The following FTL variants were observed in gnomAD, a reference collection of about 807,000 sequenced individuals.
FTL encodes epididymis secretory sperm binding protein.
A neutral mutation model predicts 16.6 loss-of-function variants in FTL; 17 were observed. That is an observed-to-expected ratio of 1.02 (90% CI 0.70 to 1.53). The LOEUF (loss-of-function observed/expected upper bound fraction) is 1.53. Ranked by LOEUF, FTL falls within the 40% of genes most tolerant of loss-of-function variation. FTL has a pLI of 0.00. For synonymous variants in FTL, 73 were observed against 89.9 expected (o/e 0.81, Z 1.06); for missense variants, 186 against 226.1 (o/e 0.82, Z 1.14).
In FTL at chr19:48,966,308, A is replaced by G. The variant is rs3210196; in HGVS notation, c.277A>G (p.Thr93Ala). ...GCCAGCTGAAGATGAGTGGGGTAAAACCCCAGACGCCATGAAAGCTGCCAT... is the reference window on the plus strand; with the variant it reads ...GCCAGCTGAAGATGAGTGGGGTAAAGCCCCAGACGCCATGAAAGCTGCCAT... ...KKPAEDEWGK[T>A]PDAMKAAMAL... is the part of the protein sequence containing the mutation. Residue 93 changes from threonine to alanine, a missense_variant, in exon 3 of 4, where the codon ACC (threonine) becomes GCC (alanine). Coordinates refer to ENST00000331825, the MANE Select transcript of FTL (RefSeq NM_000146.4). The G allele has an allele frequency of 3.7e-6, 6 of 1,613,790 alleles. No homozygotes were observed. The highest frequency in any genetic ancestry group is 5.1e-6 in the Non-Finnish European group (6 of 1,179,970).
rs140111419 is a variant in FTL at position 48,965,959 on chromosome 19, G to A, written c.249+43G>A. 5.0e-4 allele frequency: 804 copies of A among 1,606,892 alleles called. 4 individuals carry two copies. In the East Asian group the frequency reaches 5.5e-3, roughly 11 times the overall value. On this transcript the variant is annotated intron_variant, in intron 2 of 3. Coordinates refer to ENST00000331825, the MANE Select transcript of FTL (RefSeq NM_000146.4). ...AATGGACTACATCTCCCAGCAGGCCGTGCGCGCGAGGAGCCTTGATTTGAG... is the reference window on the plus strand; with the variant it reads ...AATGGACTACATCTCCCAGCAGGCCATGCGCGCGAGGAGCCTTGATTTGAG...
At chr19:48,966,525 GCT>G in intron 3 of FTL, 56 bp from the exon 4 acceptor site, 1 of 1,611,788 alleles carries the variant, frequency 6.2e-7, no homozygotes, top group Non-Finnish European at 8.5e-7. Flanking sequence ...GCAACTGGCT[GCT>G]CTCTCCCCCT....
chr19:48,966,184 G>A (rs1057169970), intron 2 of FTL, 97 bp from the exon 3 acceptor site: 2 of 1,547,952 alleles, frequency 1.3e-6, no homozygotes, highest in African/African-American at 1.4e-5. Flanking sequence ...ATGTCTTTGT[G>A]GCCTGGGCCT....
chr19:48,965,553 G>A lies in FTL; in HGVS notation c.46G>A (p.Ala16Thr), dbSNP rs2038441638. 6.2e-7 allele frequency: 1 copy of A among 1,613,956 alleles called. No individual in the cohort carries two copies. Among genetic ancestry groups the A allele is most frequent in the Non-Finnish European group, 8.5e-7 (1 of 1,179,990 alleles). Residue 16 changes from alanine (A) to threonine (T), a missense_variant, in exon 1 of 4, where the codon GCC becomes ACC. Transcript: ENST00000331825. ...RQNYSTDVEA[A>T]VNSLVNLYLQ... ...GAATTATTCCACCGACGTGGAGGCA[G>A]CCGTCAACAGCCTGGTCAATTTGTA...
rs2038439032 is a variant in FTL, at chr19:48,965,382, C to T, written c.-126C>T. ...ACGGAACAGATCCGGGGACTCTCTTCCAGCCTCCGACCGCCCTCCGATTTC... is the reference window on the plus strand; with the variant it reads ...ACGGAACAGATCCGGGGACTCTCTTTCAGCCTCCGACCGCCCTCCGATTTC... On this transcript the variant is annotated 5_prime_UTR_variant, in exon 1 of 4. Coordinates refer to ENST00000331825, the MANE Select transcript of FTL (RefSeq NM_000146.4). 2 of 731,984 alleles carry T rather than the reference C, an allele frequency of 2.7e-6. No homozygotes were observed. Among genetic ancestry groups the T allele is most frequent in the Admixed American group, 1.9e-5 (1 of 51,730 alleles). The allele number at this position is 731,984 out of a possible 1,614,324, so 45.3% of individuals were successfully genotyped here. A position where few individuals can be genotyped will look rare whatever the true frequency, so the allele number is the denominator to read the frequency against.
intron 1 of FTL, 26 bp from the exon 2 acceptor site, chr19:48,965,744 A>G: frequency 1.2e-6 from 2 of 1,613,828 alleles, no homozygotes; most frequent in Non-Finnish European, 8.5e-7. Context: ...CCCGCTAACC[A>G]TTGTTGCCTC....
Position 48,966,119 on chromosome 19 carries a change from G to T in FTL, c.250-162G>T. The T allele has an allele frequency of 2.4e-6, 3 of 1,233,400 alleles. No individual in the cohort carries two copies. The South Asian group carries it at 3.7e-5, about 15-fold the overall frequency. 76.4% of individuals were successfully genotyped at this position (1,233,400 alleles called of 1,614,324 possible). ...CACACCGCTGCGTGGTCTTAGGGACGTATAGCTGTAAGAGCTAGGACAGGG... is the reference window on the plus strand; with the variant it reads ...CACACCGCTGCGTGGTCTTAGGGACTTATAGCTGTAAGAGCTAGGACAGGG... On this transcript the variant is annotated intron_variant, in intron 2 of 3. Coordinates refer to ENST00000331825, the MANE Select transcript of FTL (RefSeq NM_000146.4).
chr19:48,965,753 T>C lies in FTL; in HGVS notation c.103-17T>C. ...TCGCCTCCCGCTAACCATTGTTGCC[T>C]CCATCTCTTCCCGTAGGGCTTCTAT... On this transcript the variant is annotated splice_polypyrimidine_tract_variant and intron_variant, in intron 1 of 3. Coordinates refer to ENST00000331825, the MANE Select transcript of FTL (RefSeq NM_000146.4). 1 of 1,614,088 alleles carries C rather than the reference T, an allele frequency of 6.2e-7. No individual in the cohort carries two copies. Among genetic ancestry groups the C allele is most frequent in the Non-Finnish European group, 8.5e-7 (1 of 1,179,990 alleles).
chr19:48,965,978 A>C, intron 2 of FTL, 62 bp downstream of exon 2: 1 of 1,587,496 alleles, frequency 6.3e-7, no homozygotes, highest in Non-Finnish European at 8.6e-7. Context: ...AGGAGCCTTG[A>C]TTTGAGGGCG....
rs1482244302 is a variant in FTL at position 48,966,403 on chromosome 19, C to G, written c.372C>G (p.Pro124=). The G allele has an allele frequency of 6.2e-7, 1 of 1,614,148 alleles. No homozygotes were observed. The part of the protein sequence containing the change: ...LHALGSARTD[P]HLCDFLETHF... ...CCCTGGGTTCTGCCCGCACGGACCC[C>G]CATGTACGTACCCGCTGCATCCATG... Residue 124 remains proline (P), a synonymous_variant, in exon 3 of 4, where the codon CCC becomes CCG. Coordinates refer to ENST00000331825, the MANE Select transcript of FTL (RefSeq NM_000146.4).
At position 48,966,249 on chromosome 19, in the gene FTL, T is replaced by C. The variant is rs757758009; in HGVS notation, c.250-32T>C. On this transcript the variant is annotated intron_variant, in intron 2 of 3. Transcript: ENST00000331825. ...GGTTTAGTTCTATGTGCCGAGTGTG[T>C]GTATTCTGAGCCATTTCTCCCTTCT... 22 of 1,613,576 alleles carry C rather than the reference T, an allele frequency of 1.4e-5. No individual in the cohort carries two copies. The South Asian group carries it at 2.3e-4, about 17-fold the overall frequency.
At chr19:48,966,222 T>C (rs773449651) in intron 2 of FTL, 59 bp from the exon 3 acceptor site, 6 of 1,611,878 alleles carry the variant, frequency 3.7e-6, no homozygotes, top group Non-Finnish European at 5.1e-6. Context: ...TTGGGAAATG[T>C]AGGTTTAGTT....
intron 1 of FTL, 59 bp from the exon 2 acceptor site, chr19:48,965,711 G>T: frequency 6.2e-7 from 1 of 1,611,576 alleles, no homozygotes; most frequent in South Asian, 1.1e-5. Flanking sequence ...TAAACAGAGG[G>T]CGGAGTCCCC....
chr19:48,966,067 G>C, intron 2 of FTL, 151 bp downstream of exon 2: 1 of 1,216,714 alleles, frequency 8.2e-7, no homozygotes, highest in Non-Finnish European at 1.2e-6. Context: ...GGCGCACCTC[G>C]TGCAGTGCCC....
At chr19:48,965,746 T>C (rs772387189) in intron 1 of FTL, 24 bp from the exon 2 acceptor site, 1 of 1,614,036 alleles carries the variant, frequency 6.2e-7, no homozygotes. Flanking sequence ...CGCTAACCAT[T>C]GTTGCCTCCA....
At position 48,965,830 on chromosome 19, in the gene FTL, T is replaced by C. The variant is rs2230267; in HGVS notation, c.163T>C (p.Leu55=). 0.52 allele frequency: 843,465 copies of C among 1,613,848 alleles called. 222,359 individuals carry two copies. The highest frequency in any genetic ancestry group is 0.56 in the Middle Eastern group (3,415 of 6,060). The change falls in exon 2 of 4, where the codon TTG becomes CTG. Residue 55 remains leucine, a synonymous_variant. Transcript: ENST00000331825. ...LEGVSHFFRE[L]AEEKREGYER... is the part of the protein sequence containing the mutation. ...AGGCGTGAGCCACTTCTTCCGCGAA[T>C]TGGCCGAGGAGAAGCGCGAGGGCTA...
chr19:48,965,676 C>T (rs955908275), intron 1 of FTL, 67 bp downstream of exon 1: 1 of 1,603,108 alleles, frequency 6.2e-7, no homozygotes, highest in Non-Finnish European at 8.5e-7. Flanking sequence ...TCACTGCACG[C>T]GCCAGCCTTC....
chr19:48,965,734 C>G (rs202124443), intron 1 of FTL, 36 bp from the exon 2 acceptor site: 2 of 1,613,946 alleles, frequency 1.2e-6, no homozygotes, highest in Non-Finnish European at 1.7e-6. Context: ...GGCCTCGCCT[C>G]CCGCTAACCA....
chr19:48,966,765 G>A lies in FTL; in HGVS notation c.*30G>A. The A allele has an allele frequency of 1.2e-6, 2 of 1,611,504 alleles. No individual in the cohort carries two copies. Among genetic ancestry groups the A allele is most frequent in the Non-Finnish European group, 1.7e-6 (2 of 1,179,366 alleles). On this transcript the variant is annotated 3_prime_UTR_variant, in exon 4 of 4. Transcript: ENST00000331825. ...CTTCTGAGCCCAGCGACTTCTGAAG[G>A]GCCCCTTGCAAAGTAATAGGGCTTC...
Sources: allele counts gnomAD v4.1 joint callset, GRCh38; gene constraint gnomAD v4.1.1; transcripts MANE v1.5; gene names NCBI Gene and HGNC (gene_info 2026-07-23, HGNC 2026-07-21).